GSN: variants seen among roughly 807,000 people sequenced by gnomAD.
GSN encodes gelsolin.
In GSN, 56 loss-of-function variants were observed where a neutral mutation model predicts 85.7. That is an observed-to-expected ratio of 0.65 (90% CI 0.53 to 0.82). GSN has a LOEUF of 0.82. Ranked by LOEUF, GSN falls within the 40% of genes least tolerant of loss-of-function variation. The pLI is 0.00. For missense variants in GSN, 857 were observed against 979.8 expected, an observed-to-expected ratio of 0.87 and a Z score of 1.67; for synonymous variants, 373 against 399.1, an observed-to-expected ratio of 0.93 and a Z score of 0.78.
At chr9:121,226,807 C>T (rs1193930827) in intron 4 of GSN, among the ~76,000 whole-genome samples, 1 of 152,100 alleles carries the variant, frequency 6.6e-6, no homozygotes, top group East Asian at 1.9e-4. Flanking sequence ...ACCAGAAAGG[C>T]CAAGCCACTG....
intron 2 of GSN, chr9:121,282,658 A>C (rs888268861): frequency 3.2e-5 from 16 of 496,324 alleles, no homozygotes; most frequent in African/African-American, 2.4e-4. Flanking sequence ...GCGGCTATCC[A>C]AAGGTTCTGC....
chr9:121,304,418 C>G (rs912724868), intron 4 of GSN, among the ~76,000 whole-genome samples: 1 of 152,214 alleles, frequency 6.6e-6, no homozygotes, highest in Non-Finnish European at 1.5e-5. Flanking sequence ...GGGAGCCAGT[C>G]CCCTGAGCTG....
intron 6 of GSN, among the ~76,000 whole-genome samples, chr9:121,256,208 C>G (rs1465042338): frequency 5.3e-5 from 8 of 152,104 alleles, no homozygotes; most frequent in African/African-American, 1.9e-4. Flanking sequence ...GGAGTTTAAT[C>G]TGTTTAATCT....
rs138368137 is a variant in GSN at position 121,250,653 on chromosome 9, T to G, written c.-341+2330T>G. Among the ~76,000 whole-genome samples, 119 of 151,944 alleles carry G rather than the reference T, an allele frequency of 7.8e-4. 2 individuals carry two copies. In the East Asian group the frequency reaches 0.022, roughly 28 times the overall value. On this transcript the variant is annotated intron_variant, in intron 6 of 24. Transcript: ENST00000373823. Reference sequence around the variant, plus strand: ...CCCAGGCTCAAGCCATCCTCCTACCTTAGGCTCCCAAGTAGCTGAGACTAC... The same window carrying G: ...CCCAGGCTCAAGCCATCCTCCTACCGTAGGCTCCCAAGTAGCTGAGACTAC...
At chr9:121,293,927 T>C (rs1253783096) in intron 2 of GSN, among the ~76,000 whole-genome samples, 1 of 151,580 alleles carries the variant, frequency 6.6e-6, no homozygotes, top group East Asian at 2.0e-4. Flanking sequence ...GTTTTATAGA[T>C]GAGGAAACGG....
chr9:121,235,184 G>A (rs1299773599), intron 5 of GSN, among the ~76,000 whole-genome samples: 1 of 152,184 alleles, frequency 6.6e-6, no homozygotes. Flanking sequence ...TCGCACCCAT[G>A]GCCCCAGTGA....
At chr9:121,296,003 G>T (rs1357288807) in intron 2 of GSN, among the ~76,000 whole-genome samples, 1 of 152,232 alleles carries the variant, frequency 6.6e-6, no homozygotes, top group Non-Finnish European at 1.5e-5. Flanking sequence ...CAGGCCTTTG[G>T]CCTGGGCAGT....
intron 4 of GSN, among the ~76,000 whole-genome samples, chr9:121,224,715 T>C (rs932376148): frequency 8.6e-6 from 1 of 116,774 alleles, no homozygotes; most frequent in Non-Finnish European, 1.7e-5. Context: ...GGTCAATCAA[T>C]AGAGATATGA....
intron 4 of GSN, among the ~76,000 whole-genome samples, chr9:121,218,538 G>A (rs2054109878): frequency 6.6e-6 from 1 of 152,196 alleles, no homozygotes; most frequent in Admixed American, 6.5e-5. Context: ...AGGAGGCTGA[G>A]TCACGAGAAT....
intron 2 of GSN, among the ~76,000 whole-genome samples, chr9:121,285,803 C>T (rs1266116089): frequency 6.6e-5 from 10 of 152,196 alleles, no homozygotes; most frequent in Admixed American, 6.5e-5. Context: ...ATGGTAGTGA[C>T]TCCTTCAGGT....
chr9:121,324,574 A>G lies in GSN; in HGVS notation c.1346A>G (p.Gln449Arg). ...TCCAGGCAGGGTGCCCAGTCTACCCAGGATGAGGTCGCTGCATCTGCCATC... is the reference window on the plus strand; with the variant it reads ...TCCAGGCAGGGTGCCCAGTCTACCCGGGATGAGGTCGCTGCATCTGCCATC... ...IYNWQGAQST[Q>R]DEVAASAILT... Residue 449 changes from glutamine to arginine, a missense_variant, in exon 12 of 18, where the codon CAG (glutamine) becomes CGG (arginine). Gln to Arg is a conservative substitution (Grantham distance 43, BLOSUM62 1). Transcript: ENST00000432226. 1 of 1,542,332 alleles carries G rather than the reference A, an allele frequency of 6.5e-7. No homozygotes were observed. Among genetic ancestry groups the G allele is most frequent in the Non-Finnish European group, 8.8e-7 (1 of 1,139,934 alleles).
chr9:121,251,187 C>CTTTTTTTTTTTTTTT (rs58231680), intron 6 of GSN, among the ~76,000 whole-genome samples: 2,795 of 72,994 alleles, frequency 0.038, 954 homozygotes, highest in African/African-American at 0.16. Flanking sequence ...CTGATGTGTT[C>CTTTTTTTTTTTTTTT]TTTTTTTTTT....
chr9:121,327,583 C>G lies in GSN; in HGVS notation c.1762+101C>G. ...GGGCTCTAAATCCTCCCCTCCATCC[C>G]ACCTGAGGGCCTGTCCCCTAATGTA... On this transcript the variant is annotated intron_variant, in intron 14 of 17. Coordinates refer to ENST00000432226, the MANE Select transcript of GSN (RefSeq NM_198252.3). 3.3e-6 allele frequency: 3 copies of G among 908,974 alleles called. No individual in the cohort carries two copies. In the South Asian group the frequency reaches 5.1e-5, roughly 16 times the overall value. The allele number at this position is 908,974 out of a possible 1,614,324, so 56.3% of individuals were successfully genotyped here.
At chr9:121,284,739 C>T (rs1391604431) in intron 2 of GSN, 2 of 167,130 alleles carry the variant, frequency 1.2e-5, no homozygotes, top group African/African-American at 4.8e-5. Context: ...CTCTGGGTAC[C>T]AGGGAGCCAT....
chr9:121,305,264 C>T (rs2060280638), intron 4 of GSN, among the ~76,000 whole-genome samples: 2 of 152,136 alleles, frequency 1.3e-5, no homozygotes, highest in African/African-American at 4.8e-5. Flanking sequence ...TGGTAATGCT[C>T]CATTTCATAG....
At chr9:121,310,336 T>G in intron 4 of GSN, 2 of 344,780 alleles carry the variant, frequency 5.8e-6, no homozygotes, top group Non-Finnish European at 1.1e-5. Flanking sequence ...GAGGAAGGAA[T>G]TGTTGCAGTT....
Position 121,329,020 on chromosome 9 carries a change from G to A in GSN, c.1887+5G>A, listed in dbSNP as rs878873693. ...AACAAGATTGGACGTTTTGTGGTGA[G>A]CCCCTGCGGAGGTCACACCTCTGCT... is the stretch of plus-strand genomic sequence containing the variant. On this transcript the variant is annotated splice_donor_5th_base_variant and intron_variant, in intron 15 of 17. Transcript: ENST00000432226. The surrounding 1 kb of genome is among the most constrained non-coding windows in gnomAD (Gnocchi z 4.6). 1.2e-6 allele frequency: 2 copies of A among 1,613,496 alleles called. No individual in the cohort carries two copies. Among genetic ancestry groups the A allele is most frequent in the Non-Finnish European group, 1.7e-6 (2 of 1,179,958 alleles).
chr9:121,313,835 G>A, intron 6 of GSN, 99 bp from the exon 7 acceptor site: 1 of 924,956 alleles, frequency 1.1e-6, no homozygotes, highest in South Asian at 1.3e-5. Context: ...GAGGGTCACA[G>A]TGGATGTCCT....
chr9:121,229,288 T>A (rs2132145963), intron 4 of GSN, among the ~76,000 whole-genome samples: 1 of 152,320 alleles, frequency 6.6e-6, no homozygotes, highest in South Asian at 2.1e-4. Flanking sequence ...TGGCGCAGTC[T>A]CAGCTCACTG....
Sources: gnomAD v4.1 joint callset for allele counts (sites outside exome capture counted in the v4.1 genomes callset) on GRCh38, gnomAD v4.1.1 for gene constraint, Gnocchi (gnomAD v3.1) non-coding constraint, MANE v1.5 for transcripts, NCBI Gene and HGNC (gene_info 2026-07-23, HGNC 2026-07-21) for gene names.